The following NTN1 variants were observed in gnomAD, a reference collection of about 807,000 sequenced individuals.
The protein encoded by NTN1 is netrin 1.
In NTN1, 11 loss-of-function variants were observed where a neutral mutation model predicts 54.2. That is an observed-to-expected ratio of 0.20 (90% CI 0.13 to 0.34). The LOEUF (loss-of-function observed/expected upper bound fraction) is 0.34. Among genes scored for constraint, NTN1 ranks in the 10% least tolerant of loss-of-function variants. The probability of loss-of-function intolerance (pLI) is 1.00; values close to 1 mark genes in which losing one functional copy is unlikely to be tolerated. For synonymous variants in NTN1, 371 were observed against 382.0 expected (o/e 0.97, Z 0.33); for missense variants, 740 against 893.1 (o/e 0.83, Z 2.18).
intron 5 of NTN1, among the ~76,000 whole-genome samples, chr17:9,217,489 G>C (rs1905240426): frequency 6.6e-6 from 1 of 152,168 alleles, no homozygotes; most frequent in African/African-American, 2.4e-5. Flanking sequence ...CATTTTAAAG[G>C]TGTGGTTTGT....
chr17:9,183,712 A>G (rs62068201), intron 5 of NTN1: 63,683 of 180,316 alleles, frequency 0.35, 11,837 homozygotes, highest in Middle Eastern at 0.48. Context: ...TTTGGGCAGC[A>G]GCATTTCAGT....
chr17:9,017,968 G>C (rs2091835252), upstream of NTN1, among the ~76,000 whole-genome samples: 2 of 152,184 alleles, frequency 1.3e-5, no homozygotes, highest in Admixed American at 1.3e-4. Context: ...AGATAAAACT[G>C]AGGGATGATA....
intron 2 of NTN1, among the ~76,000 whole-genome samples, chr17:9,151,942 A>G (rs112300242): frequency 0.043 from 6,555 of 152,306 alleles, 474 homozygotes; most frequent in African/African-American, 0.15. Context: ...AAACGCATCA[A>G]TCAGCCCGAG....
At chr17:9,050,694 C>G (rs1251882639) in intron 2 of NTN1, among the ~76,000 whole-genome samples, 1 of 149,244 alleles carries the variant, frequency 6.7e-6, no homozygotes, top group Admixed American at 6.7e-5. Context: ...AAAAAAAAAC[C>G]CTAGCTGGAC....
chr17:9,073,150 C>T (rs549784866), intron 2 of NTN1, among the ~76,000 whole-genome samples: 8 of 152,316 alleles, frequency 5.3e-5, no homozygotes, highest in Admixed American at 4.6e-4. Context: ...CCGGCAAGGC[C>T]CAAGCAGCCA....
rs531702191 is a variant in NTN1 at position 9,192,739 on chromosome 17, T to C, written c.1411+9770T>C. On this transcript the variant is annotated intron_variant, in intron 5 of 6. Transcript: ENST00000173229. The stretch of plus-strand genomic sequence containing the variant: ...GCACCGGGAGACAAACCCGGCTCTT[T>C]TATTAGTTATGCACCATGCTGAACT... 2.9e-3 allele frequency among the ~76,000 whole-genome samples: 436 copies of C among 152,276 alleles called. 2 individuals carry two copies. Among genetic ancestry groups the C allele is most frequent in the African/African-American group, 9.9e-3 (411 of 41,554 alleles).
At position 9,219,759 on chromosome 17, in the gene NTN1, C is replaced by T. The variant is rs1367540048; in HGVS notation, c.1412-1409C>T. On this transcript the variant is annotated intron_variant, in intron 5 of 6. Coordinates refer to ENST00000173229, the MANE Select transcript of NTN1 (RefSeq NM_004822.3). This position sits in a 1 kb window ranked among gnomAD's most constrained non-coding sequence, Gnocchi z 4.5. ...GTGCTCCCACACAAATCACTCCTCC[C>T]CTACCTTGACCTTTGTTTTCCCCTC... Among the ~76,000 whole-genome samples the T allele has an allele frequency of 6.6e-6, 1 of 152,214 alleles. No individual in the cohort carries two copies. The highest frequency in any genetic ancestry group is 1.5e-5 in the Non-Finnish European group (1 of 68,032).
intron 2 of NTN1, among the ~76,000 whole-genome samples, chr17:9,146,625 AC>A (rs756946198): frequency 1.3e-5 from 2 of 148,880 alleles, no homozygotes; most frequent in Non-Finnish European, 2.9e-5. Context: ...CTTTAGACAC[AC>A]CCTGGGGCTC....
At position 9,078,678 on chromosome 17, in the gene NTN1, G is replaced by A. The variant is rs76187406; in HGVS notation, c.1018+55287G>A. On this transcript the variant is annotated intron_variant, in intron 2 of 6. Transcript: ENST00000173229. ...CCTAACCTCTGGGCAACCTGCAATG[G>A]CAAATAAGATAGAAAAGTGAGACTC... Among the ~76,000 whole-genome samples, 1,159 of 152,280 alleles carry A rather than the reference G, an allele frequency of 7.6e-3. 16 individuals are homozygous for A. Among genetic ancestry groups the A allele is most frequent in the African/African-American group, 0.027 (1,114 of 41,548 alleles).
chr17:9,225,710 A>G (rs9894832), intron 6 of NTN1, among the ~76,000 whole-genome samples: 82,893 of 151,778 alleles, frequency 0.55, 22,597 homozygotes, highest in East Asian at 0.6. Flanking sequence ...GAGGCCGCCA[A>G]ACCGGGCGGG....
intron 2 of NTN1, among the ~76,000 whole-genome samples, chr17:9,141,070 G>T (rs2092296206): frequency 6.6e-6 from 1 of 152,108 alleles, no homozygotes; most frequent in Non-Finnish European, 1.5e-5. Flanking sequence ...TTTGATCTTA[G>T]ACACCATTAA....
intron 2 of NTN1, among the ~76,000 whole-genome samples, chr17:9,081,321 A>G (rs1250741036): frequency 2.0e-5 from 3 of 152,158 alleles, no homozygotes; most frequent in Admixed American, 6.6e-5. Context: ...ACTCATCTTA[A>G]TGACTGAAAC....
At chr17:9,214,708 G>T (rs1253408255) in intron 5 of NTN1, among the ~76,000 whole-genome samples, 1 of 152,200 alleles carries the variant, frequency 6.6e-6, no homozygotes, top group African/African-American at 2.4e-5. Flanking sequence ...TGTAGTCCCA[G>T]CTACTCAGGA....
At chr17:9,112,778 A>G (rs1490569741) in intron 2 of NTN1, among the ~76,000 whole-genome samples, 2 of 134,192 alleles carry the variant, frequency 1.5e-5, no homozygotes, top group Admixed American at 1.6e-4. Context: ...GTGAGCCGAG[A>G]TCGCGCCACT....
At chr17:9,078,076 CCA>C (rs2092057666) in intron 2 of NTN1, among the ~76,000 whole-genome samples, 1 of 152,164 alleles carries the variant, frequency 6.6e-6, no homozygotes, top group Admixed American at 6.5e-5. Context: ...ATCCATCCAT[CCA>C]TCCATCCATC....
At chr17:9,115,840 G>A (rs1467268325) in intron 2 of NTN1, among the ~76,000 whole-genome samples, 4 of 152,368 alleles carry the variant, frequency 2.6e-5, no homozygotes, top group East Asian at 1.9e-4. Flanking sequence ...CTGGCGAGGC[G>A]GCAGCAGCCG....
At chr17:9,034,277 A>G (rs2091896490) in intron 2 of NTN1, among the ~76,000 whole-genome samples, 1 of 152,192 alleles carries the variant, frequency 6.6e-6, no homozygotes, top group African/African-American at 2.4e-5. Context: ...ACCCAGAGGT[A>G]GGGTTCTGAT....
chr17:9,022,689 G>C lies in NTN1; in HGVS notation c.316G>C (p.Ala106Pro). 1 of 1,590,392 alleles carries C rather than the reference G, an allele frequency of 6.3e-7. No individual in the cohort carries two copies. The highest frequency in any genetic ancestry group is 2.3e-5 in the East Asian group (1 of 42,714). ...CGACCCCAAGAAGGCGCACCCGCCC[G>C]CCTTCCTCACCGACCTCAACAACCC... ...ASDPKKAHPPAFLTDLNNPHN... is the reference protein window; with the variant it reads ...ASDPKKAHPPPFLTDLNNPHN... Residue 106 changes from alanine to proline, a missense_variant, in exon 2 of 7, where the codon GCC (alanine) becomes CCC (proline). By Grantham distance (27) the Ala-to-Pro change is conservative. Coordinates refer to ENST00000173229, the MANE Select transcript of NTN1 (RefSeq NM_004822.3).
chr17:9,241,376 C>G lies in NTN1; in HGVS notation c.*1408C>G, dbSNP rs905183340. The G allele has an allele frequency of 6.5e-6, 1 of 152,696 alleles. No individual in the cohort carries two copies. Among genetic ancestry groups the G allele is most frequent in the Non-Finnish European group, 1.5e-5 (1 of 68,370 alleles). The allele number at this position is 152,696 out of a possible 1,614,324, so 9.5% of individuals were successfully genotyped here. On this transcript the variant is annotated 3_prime_UTR_variant, in exon 7 of 7. Transcript: ENST00000173229. Reference sequence around the variant, plus strand: ...CTCCTTCCAAAATCTCCTAGAGACACGGTCCTCAAGCAGGCAGCCCCTTTT... The same window carrying G: ...CTCCTTCCAAAATCTCCTAGAGACAGGGTCCTCAAGCAGGCAGCCCCTTTT...
Sources: gnomAD v4.1 joint callset for allele counts (sites outside exome capture counted in the v4.1 genomes callset) on GRCh38, gnomAD v4.1.1 for gene constraint, Gnocchi (gnomAD v3.1) non-coding constraint, MANE v1.5 for transcripts, NCBI Gene and HGNC (gene_info 2026-07-23, HGNC 2026-07-21) for gene names.